GGNBP2: variants seen among roughly 807,000 people sequenced by gnomAD.
GGNBP2 encodes the protein gametogenetin binding protein 2, also known as gametogenetin-binding protein 2.
Under a neutral mutation model 85.9 loss-of-function variants are expected in GGNBP2, and 10 were observed. That is an observed-to-expected ratio of 0.12 (90% confidence interval 0.07 to 0.20). The LOEUF is 0.20. Among genes scored for constraint, GGNBP2 ranks in the 10% least tolerant of loss-of-function variants. GGNBP2 has a pLI of 1.00. For missense variants in GGNBP2, 595 were observed against 857.8 expected, an observed-to-expected ratio of 0.69 and a Z score of 3.83; for synonymous variants, 287 against 285.7, an observed-to-expected ratio of 1.00 and a Z score of -0.05.
chr17:36,562,763 G>T (rs966809877), intron 5 of GGNBP2, among the ~76,000 whole-genome samples: 14 of 149,374 alleles, frequency 9.4e-5, no homozygotes, highest in African/African-American at 2.9e-4. Context: ...TCAGGAGTTC[G>T]AGACCAGCCT....
intron 2 of GGNBP2, among the ~76,000 whole-genome samples, chr17:36,552,332 G>A (rs552030852): frequency 1.6e-4 from 24 of 152,118 alleles, no homozygotes; most frequent in Non-Finnish European, 2.8e-4. Flanking sequence ...TCTGGACCAG[G>A]ATTTCCAATA....
At chr17:36,570,709 A>C (rs973833910) in intron 6 of GGNBP2, among the ~76,000 whole-genome samples, 9 of 151,812 alleles carry the variant, frequency 5.9e-5, no homozygotes, top group South Asian at 2.1e-4. Context: ...GTTCCCAAAA[A>C]AACAACAACA....
intron 6 of GGNBP2, among the ~76,000 whole-genome samples, chr17:36,570,821 G>A (rs2074516337): frequency 6.6e-6 from 1 of 152,164 alleles, no homozygotes. Context: ...AGGAGTTTGA[G>A]ACCAGCCTGG....
intron 6 of GGNBP2, chr17:36,574,667 A>T: frequency 1.7e-6 from 1 of 597,094 alleles, no homozygotes; most frequent in Non-Finnish European, 3.0e-6. Context: ...GCCCCTGGCT[A>T]AGGTGTAGCA....
chr17:36,581,580 C>A, intron 9 of GGNBP2, 42 bp downstream of exon 9: 1 of 1,452,670 alleles, frequency 6.9e-7, no homozygotes, highest in Non-Finnish European at 9.5e-7. Context: ...GTATGTATTG[C>A]TTGTAGATAG....
chr17:36,576,545 C>G (rs1423098270), intron 6 of GGNBP2: 1 of 68,802 alleles, frequency 1.5e-5, no homozygotes, highest in Non-Finnish European at 2.4e-5. Context: ...CAGAGAGAGA[C>G]TCTGTCTCAA....
chr17:36,557,307 G>T lies in GGNBP2; in HGVS notation c.399G>T (p.Lys133Asn). 1 of 1,613,888 alleles carries T rather than the reference G, an allele frequency of 6.2e-7. No homozygotes were observed. Among genetic ancestry groups the T allele is most frequent in the Non-Finnish European group, 8.5e-7 (1 of 1,179,746 alleles). The change falls in exon 4 of 14, where the codon AAG becomes AAT. Residue 133 changes from lysine (K) to asparagine (N), a missense_variant. Transcript: ENST00000613102. ...SVTRSCMTDA[K>N]KLYTLFYVHG... is the part of the protein sequence containing the mutation. ...CTAGAAGCTGCATGACTGATGCAAA[G>T]AAGCTTTATACATTATTTTATGTAC...
chr17:36,583,285 C>G (rs929313307), intron 9 of GGNBP2, among the ~76,000 whole-genome samples: 2 of 151,926 alleles, frequency 1.3e-5, no homozygotes, highest in Non-Finnish European at 2.9e-5. Flanking sequence ...ATCTCTTGAC[C>G]TCGTGATCCG....
rs564151690 is a variant in GGNBP2 at position 36,556,981 on chromosome 17, C to G, written c.175-102C>G. 5.8e-6 allele frequency: 8 copies of G among 1,380,894 alleles called. No individual in the cohort carries two copies. In the East Asian group the frequency reaches 1.1e-4, roughly 20 times the overall value. 85.5% of individuals were successfully genotyped at this position (1,380,894 alleles called of 1,614,324 possible). A position where few individuals can be genotyped will look rare whatever the true frequency, so the allele number is the denominator to read the frequency against. On this transcript the variant is annotated intron_variant, in intron 3 of 13. Transcript: ENST00000613102. ...TGCAGGTAGAGCTGGTAAACCCTGG[C>G]CAGGTTGTACTTTACTGCACAAGGA...
Position 36,585,311 on chromosome 17 carries a change from C to T in GGNBP2, c.1227C>T (p.Phe409=). Residue 409 remains phenylalanine, a synonymous_variant, in exon 10 of 14, where the codon TTC becomes TTT. Coordinates refer to ENST00000613102, the MANE Select transcript of GGNBP2 (RefSeq NM_024835.5). ...KEVSQEKETD[F]IENSSCKACG... ...GTTGATCCTTAAAGGAAACAGACTT[C>T]ATAGAAAATAGCAGCTGCAAAGCCT... The T allele has an allele frequency of 6.2e-7, 1 of 1,611,944 alleles. No homozygotes were observed. The highest frequency in any genetic ancestry group is 8.5e-7 in the Non-Finnish European group (1 of 1,179,300).
chr17:36,555,513 G>A (rs2074353285), intron 3 of GGNBP2, among the ~76,000 whole-genome samples: 1 of 152,172 alleles, frequency 6.6e-6, no homozygotes, highest in African/African-American at 2.4e-5. Flanking sequence ...GGGCAACATG[G>A]CAAAACCCTG....
At chr17:36,556,991 C>CT in intron 3 of GGNBP2, 92 bp from the exon 4 acceptor site, 1 of 1,488,018 alleles carries the variant, frequency 6.7e-7, no homozygotes, top group East Asian at 2.3e-5. Context: ...CCAGGTTGTA[C>CT]TTTACTGCAC....
intron 5 of GGNBP2, among the ~76,000 whole-genome samples, chr17:36,561,250 A>C (rs953018423): frequency 3.9e-5 from 6 of 152,010 alleles, no homozygotes; most frequent in Admixed American, 1.3e-4. Context: ...CAGCTTCCTG[A>C]GTAGCTGGGA....
chr17:36,545,387 C>G (rs1315026439), intron 1 of GGNBP2: 2 of 287,720 alleles, frequency 7.0e-6, no homozygotes, highest in African/African-American at 4.7e-5. Flanking sequence ...CTCCTTTGGA[C>G]CCTGACTGGA....
At chr17:36,550,945 G>A (rs1318568062) in intron 2 of GGNBP2, among the ~76,000 whole-genome samples, 1 of 152,154 alleles carries the variant, frequency 6.6e-6, no homozygotes, top group Non-Finnish European at 1.5e-5. Context: ...ACACTGAACA[G>A]CATATAGTGA....
chr17:36,555,318 A>C (rs969232317), intron 3 of GGNBP2, among the ~76,000 whole-genome samples: 1 of 152,224 alleles, frequency 6.6e-6, no homozygotes, highest in Non-Finnish European at 1.5e-5. Flanking sequence ...ACTTAAATGC[A>C]ATGTATAGTG....
Position 36,587,096 on chromosome 17 carries a change from C to T in GGNBP2, c.1741C>T (p.His581Tyr), listed in dbSNP as rs372304705. ...VFHRDKTKDT[H>Y]PESCCSSEKG... ...TCACCGTGACAAGACCAAAGATACA[C>T]ATCCTGAAAGCTGTTGCAGCTCTGA... is the stretch of plus-strand genomic sequence containing the variant. The change falls in exon 13 of 14, where the codon CAT (histidine) becomes TAT (tyrosine). Residue 581 changes from histidine to tyrosine, a missense_variant. His to Tyr is a moderately conservative substitution (Grantham distance 83). Coordinates refer to ENST00000613102, the MANE Select transcript of GGNBP2 (RefSeq NM_024835.5). 16 of 1,613,966 alleles carry T rather than the reference C, an allele frequency of 9.9e-6. No homozygotes were observed. The African/African-American group carries it at 2.1e-4, about 22-fold the overall frequency.
intron 2 of GGNBP2, among the ~76,000 whole-genome samples, chr17:36,554,526 C>T (rs1035939276): frequency 7.2e-5 from 11 of 151,802 alleles, no homozygotes; most frequent in Non-Finnish European, 1.6e-4. Context: ...CGCCACCAAA[C>T]CTGCCTAATT....
At position 36,575,461 on chromosome 17, in the gene GGNBP2, T is replaced by C. The variant is rs113748696; in HGVS notation, c.642-2522T>C. ...ATGTTTTCTTCTAGTTTTATGGTTT[T>C]CAGATGTTAACATTTAGTTTTTAAT... On this transcript the variant is annotated intron_variant, in intron 6 of 13. Transcript: ENST00000613102. 3.0e-3 allele frequency: 487 copies of C among 163,542 alleles called. 2 individuals carry two copies. The highest frequency in any genetic ancestry group is 4.8e-3 in the Non-Finnish European group (363 of 75,798). The allele number at this position is 163,542 out of a possible 1,614,324, so 10.1% of individuals were successfully genotyped here.
Sources: allele counts gnomAD v4.1 joint callset (sites outside exome capture counted in the v4.1 genomes callset), GRCh38; gene constraint gnomAD v4.1.1; transcripts MANE v1.5; gene names NCBI Gene and HGNC (gene_info 2026-07-23, HGNC 2026-07-21).